Variants in OGDH observed in about 807,000 individuals in gnomAD.
OGDH encodes the protein 2-oxoglutarate dehydrogenase complex component E1.
In OGDH, 38 loss-of-function variants were observed where a neutral mutation model predicts 116.6. The ratio of observed to expected loss-of-function variants is 0.33; its 90% CI spans 0.25 to 0.43. The LOEUF is 0.43. Ranked by LOEUF, OGDH falls within the 20% of genes least tolerant of loss-of-function variation. OGDH has a pLI of 1.00. For synonymous variants in OGDH, 488 were observed against 533.3 expected, an observed-to-expected ratio of 0.92 and a Z score of 1.17; for missense variants, 825 against 1,357.2, an observed-to-expected ratio of 0.61 and a Z score of 6.16.
chr7:44,649,504 G>T (rs530639721), intron 4 of OGDH, among the ~76,000 whole-genome samples: 15 of 151,976 alleles, frequency 9.9e-5, no homozygotes, highest in Non-Finnish European at 1.6e-4. Flanking sequence ...GAGCCACCGC[G>T]CCTGGCTGGA....
chr7:44,664,113 G>A (rs1787075998), intron 4 of OGDH, among the ~76,000 whole-genome samples: 3 of 152,128 alleles, frequency 2.0e-5, no homozygotes, highest in South Asian at 2.1e-4. Flanking sequence ...GACATTTTGG[G>A]TATGGTGAGA....
chr7:44,662,124 G>A (rs1786973572), intron 4 of OGDH, among the ~76,000 whole-genome samples: 1 of 152,102 alleles, frequency 6.6e-6, no homozygotes, highest in African/African-American at 2.4e-5. Flanking sequence ...AGAGTTATAA[G>A]TTTGCTTCAA....
rs372359941 is a variant in OGDH, at chr7:44,624,455, C to G, written c.112C>G (p.Arg38Gly). The G allele has an allele frequency of 1.2e-6, 2 of 1,613,482 alleles. No homozygotes were observed. Among genetic ancestry groups the G allele is most frequent in the African/African-American group, 2.7e-5 (2 of 74,728 alleles). Reference protein sequence around the residue: ...PAAARTFQQIRCYSAPVAAEP... With the variant: ...PAAARTFQQIGCYSAPVAAEP... ...AGCAGCTAGGACATTTCAACAGATT[C>G]GGTGCTATTCTGCACCTGTTGCTGC... The change falls in exon 2 of 23, where the codon CGG becomes GGG. Residue 38 changes from arginine (R) to glycine (G), a missense_variant. By Grantham distance (125) the Arg-to-Gly change is moderately radical. Transcript: ENST00000222673.
At chr7:44,698,404 G>A in intron 18 of OGDH, 141 bp downstream of exon 18, 2 of 820,970 alleles carry the variant, frequency 2.4e-6, no homozygotes, top group Admixed American at 4.5e-5. Flanking sequence ...TCACGTGAGT[G>A]GACAGGTGTG....
chr7:44,676,141 G>C lies in OGDH; in HGVS notation c.1198G>C (p.Gly400Arg). The C allele has an allele frequency of 6.2e-7, 1 of 1,614,150 alleles. No individual in the cohort carries two copies. Among genetic ancestry groups the C allele is most frequent in the South Asian group, 1.1e-5 (1 of 91,082 alleles). Reference protein sequence around the residue: ...AEQFYCGDTEGKKVMSILLHG... With the variant: ...AEQFYCGDTERKKVMSILLHG... ...ACAGTTTTACTGTGGCGACACTGAA[G>C]GGAAAAAGGTAAGGCCCAGAGAGAG... The change falls in exon 9 of 23, where the codon GGG (glycine) becomes CGG (arginine). Residue 400 changes from glycine (G) to arginine (R), a missense_variant. Gly to Arg is a moderately radical substitution (Grantham distance 125). Around this residue, in one of 7 missense-constraint regions of OGDH, gnomAD observed 146 missense variants for 317.3 expected, o/e 0.46. Coordinates refer to ENST00000222673, the MANE Select transcript of OGDH (RefSeq NM_002541.4).
chr7:44,702,156 G>T (rs1338887093), intron 20 of OGDH, among the ~76,000 whole-genome samples: 1 of 151,804 alleles, frequency 6.6e-6, no homozygotes, highest in African/African-American at 2.4e-5. Flanking sequence ...GTCTTAACAT[G>T]CAGCCCAGGA....
chr7:44,653,441 A>G (rs912084915), intron 4 of OGDH, among the ~76,000 whole-genome samples: 4 of 151,982 alleles, frequency 2.6e-5, no homozygotes, highest in Non-Finnish European at 1.5e-5. Context: ...CCACTTAAAA[A>G]TGCCACTGTC....
intron 4 of OGDH, among the ~76,000 whole-genome samples, chr7:44,652,073 G>A (rs1232644156): frequency 1.3e-5 from 2 of 151,212 alleles, no homozygotes; most frequent in Non-Finnish European, 2.9e-5. Flanking sequence ...TGTGAATTAT[G>A]TTCCGTAATT....
chr7:44,705,849 C>T lies in OGDH; in HGVS notation c.2633-1376C>T, dbSNP rs112404329. 1.2e-4 allele frequency among the ~76,000 whole-genome samples: 19 copies of T among 152,302 alleles called. 1 individual carries two copies. The South Asian group carries it at 2.1e-3, about 17-fold the overall frequency. Reference sequence around the variant, plus strand: ...TCAGGGTATTAGGGTGTCCGTCACCCGAGTACGATACATGTTTGTTAACCT... The same window carrying T: ...TCAGGGTATTAGGGTGTCCGTCACCTGAGTACGATACATGTTTGTTAACCT... On this transcript the variant is annotated intron_variant, in intron 20 of 22. Transcript: ENST00000222673.
intron 5 of OGDH, among the ~76,000 whole-genome samples, chr7:44,669,943 T>A (rs1314118929): frequency 1.3e-5 from 2 of 152,204 alleles, no homozygotes; most frequent in African/African-American, 4.8e-5. Context: ...AAGCTATTGA[T>A]CACGTGATGT....
chr7:44,706,232 CT>C (rs1562694434), intron 20 of OGDH, among the ~76,000 whole-genome samples: 1 of 151,492 alleles, frequency 6.6e-6, no homozygotes, highest in Non-Finnish European at 1.5e-5. Context: ...TGTTCTCTAT[CT>C]GAATATTTTC....
chr7:44,611,423 C>G (rs964699618), intron 1 of OGDH, among the ~76,000 whole-genome samples: 1 of 152,088 alleles, frequency 6.6e-6, no homozygotes, highest in Non-Finnish European at 1.5e-5. Flanking sequence ...TGCCCGCCAC[C>G]ATGCCCGGCT....
At chr7:44,675,462 GC>G (rs1178463675) in intron 8 of OGDH, among the ~76,000 whole-genome samples, 194 bp downstream of exon 8, 1 of 152,282 alleles carries the variant, frequency 6.6e-6, no homozygotes, top group Non-Finnish European at 1.5e-5. Context: ...AGGTCCAGCA[GC>G]CCCACTCTGA....
At chr7:44,641,852 C>G (rs914056785) in intron 2 of OGDH, among the ~76,000 whole-genome samples, 6 of 152,208 alleles carry the variant, frequency 3.9e-5, no homozygotes, top group Non-Finnish European at 8.8e-5. Context: ...GCACAGCCAC[C>G]TTTTAGATCC....
intron 1 of OGDH, among the ~76,000 whole-genome samples, chr7:44,620,014 A>C (rs1465041343): frequency 6.6e-6 from 1 of 152,082 alleles, no homozygotes; most frequent in African/African-American, 2.4e-5. Context: ...TTGAAGCACA[A>C]AAATTTTTTG....
chr7:44,642,069 G>A (rs1785966555), intron 2 of OGDH, among the ~76,000 whole-genome samples: 1 of 152,176 alleles, frequency 6.6e-6, no homozygotes, highest in Admixed American at 6.5e-5. Flanking sequence ...GAATCTCTTT[G>A]GAGATTCCAA....
At chr7:44,675,740 G>A (rs1010996156) in intron 8 of OGDH, among the ~76,000 whole-genome samples, 9 of 151,932 alleles carry the variant, frequency 5.9e-5, no homozygotes, top group African/African-American at 2.2e-4. Flanking sequence ...AGCCGGGCGT[G>A]GTGGCGCATG....
rs369524775 is a variant in OGDH, at chr7:44,705,342, G to A, written c.2633-1883G>A. ...GCTGGGATTACAGGCGTGAGCCACC[G>A]CGCCCGGCCAAGTTTTTAATTTTCA... is the stretch of plus-strand genomic sequence containing the variant. On this transcript the variant is annotated intron_variant, in intron 20 of 22. Coordinates refer to ENST00000222673, the MANE Select transcript of OGDH (RefSeq NM_002541.4). 1.6e-4 allele frequency among the ~76,000 whole-genome samples: 24 copies of A among 152,108 alleles called. No individual in the cohort carries two copies. The East Asian group carries it at 2.7e-3, about 17-fold the overall frequency.
intron 9 of OGDH, 123 bp from the exon 10 acceptor site, chr7:44,681,593 ACTTT>A (rs1787931920): frequency 1.5e-6 from 2 of 1,335,390 alleles, no homozygotes; most frequent in Non-Finnish European, 2.1e-6. Flanking sequence ...CTTTCCTGCT[ACTTT>A]CTATGTTTGA....
Sources: gnomAD v4.1 joint callset for allele counts (sites outside exome capture counted in the v4.1 genomes callset) on GRCh38, gnomAD v4.1.1 for gene constraint, gnomAD v4.1.1 regional missense constraint, MANE v1.5 for transcripts, NCBI Gene and HGNC (gene_info 2026-07-23, HGNC 2026-07-21) for gene names.